Variants in KLHL29 observed in about 807,000 individuals in gnomAD.
KLHL29 encodes the protein kelch like family member 29, also known as kelch-like protein 29.
A neutral mutation model predicts 80.4 loss-of-function variants in KLHL29; 21 were observed. The ratio of observed to expected loss-of-function variants is 0.26; its 90% CI spans 0.19 to 0.38. The LOEUF is 0.38. KLHL29 is among the 10% of genes least tolerant of loss of function. The pLI is 1.00. For synonymous variants in KLHL29, 511 were observed against 526.8 expected, an observed-to-expected ratio of 0.97 and a Z score of 0.41; for missense variants, 867 against 1,223.9, an observed-to-expected ratio of 0.71 and a Z score of 4.35.
chr2:23,415,865 A>G (rs150307717), intron 1 of KLHL29, among the ~76,000 whole-genome samples: 72 of 152,120 alleles, frequency 4.7e-4, no homozygotes, highest in African/African-American at 1.7e-3. Flanking sequence ...CACCCTGTAT[A>G]TATTTTTTAA....
At chr2:23,686,923 G>A (rs1390007451) in intron 6 of KLHL29, among the ~76,000 whole-genome samples, 2 of 152,178 alleles carry the variant, frequency 1.3e-5, no homozygotes, top group Non-Finnish European at 2.9e-5. Flanking sequence ...TGACCAAGAA[G>A]TGCCTTCTTG....
intron 1 of KLHL29, among the ~76,000 whole-genome samples, chr2:23,421,554 G>A (rs1022413267): frequency 2.8e-5 from 3 of 108,242 alleles, no homozygotes; most frequent in South Asian, 3.1e-4. Flanking sequence ...GTGTGTGTGT[G>A]TGTGTGTGTG....
intron 5 of KLHL29, among the ~76,000 whole-genome samples, chr2:23,664,312 TC>T (rs1670497361): frequency 6.6e-6 from 1 of 152,230 alleles, no homozygotes; most frequent in Admixed American, 6.5e-5. Context: ...CAGGGAGGGT[TC>T]TTGGGACTCT....
intron 1 of KLHL29, among the ~76,000 whole-genome samples, chr2:23,438,247 C>T (rs1021968185): frequency 1.4e-4 from 22 of 151,960 alleles, no homozygotes; most frequent in East Asian, 1.9e-4. Flanking sequence ...ACAATCATGG[C>T]GTCTGCAGAC....
At chr2:23,634,750 G>A (rs554971756) in intron 3 of KLHL29, among the ~76,000 whole-genome samples, 17 of 152,254 alleles carry the variant, frequency 1.1e-4, no homozygotes, top group South Asian at 1.0e-3. Context: ...CAGCACACCC[G>A]GCCCCCATGA....
At chr2:23,407,951 A>T (rs1666771679) in intron 1 of KLHL29, among the ~76,000 whole-genome samples, 1 of 152,002 alleles carries the variant, frequency 6.6e-6, no homozygotes, top group Middle Eastern at 3.4e-3. Context: ...GTTTCTTGTC[A>T]TCCAGGCTGG....
intron 1 of KLHL29, among the ~76,000 whole-genome samples, chr2:23,391,582 C>A (rs991946012): frequency 6.6e-6 from 1 of 152,066 alleles, no homozygotes; most frequent in Non-Finnish European, 1.5e-5. Context: ...ATTACAGGCA[C>A]GTGCCACTAT....
chr2:23,589,746 G>A (rs1292354721), intron 3 of KLHL29, among the ~76,000 whole-genome samples: 1 of 152,228 alleles, frequency 6.6e-6, no homozygotes, highest in Non-Finnish European at 1.5e-5. Context: ...CCATCTGGAT[G>A]TTACATGGTC....
At chr2:23,541,344 A>AG (rs1666829513) in intron 2 of KLHL29, among the ~76,000 whole-genome samples, 1 of 152,252 alleles carries the variant, frequency 6.6e-6, no homozygotes, top group Non-Finnish European at 1.5e-5. Flanking sequence ...AGAAGGCCAG[A>AG]GGAGAGAACC....
chr2:23,518,260 G>A (rs964565354), intron 2 of KLHL29, among the ~76,000 whole-genome samples: 3 of 152,200 alleles, frequency 2.0e-5, no homozygotes, highest in Non-Finnish European at 4.4e-5. Context: ...TCGCCTAACA[G>A]TCTTAAGCAG....
At chr2:23,510,174 T>G (rs940885440) in intron 2 of KLHL29, among the ~76,000 whole-genome samples, 3 of 152,062 alleles carry the variant, frequency 2.0e-5, no homozygotes, top group African/African-American at 7.2e-5. Context: ...ACAGGGGAGT[T>G]TGCTGAAATC....
At chr2:23,649,140 T>G (rs909769884) in intron 5 of KLHL29, among the ~76,000 whole-genome samples, 5 of 152,066 alleles carry the variant, frequency 3.3e-5, no homozygotes, top group Non-Finnish European at 7.4e-5. Flanking sequence ...TAAAGCAAGG[T>G]TGTCCAAAAT....
chr2:23,521,156 A>G (rs572151472), intron 2 of KLHL29, among the ~76,000 whole-genome samples: 2 of 152,290 alleles, frequency 1.3e-5, no homozygotes, highest in East Asian at 1.9e-4. Context: ...GGTGTGGGAT[A>G]CATGCAGGAG....
intron 1 of KLHL29, among the ~76,000 whole-genome samples, chr2:23,449,613 A>G (rs975432963): frequency 6.6e-6 from 1 of 152,182 alleles, no homozygotes; most frequent in African/African-American, 2.4e-5. Flanking sequence ...GAGAAATGAA[A>G]GAGGAAGTTG....
At chr2:23,619,844 A>G (rs1466209716) in intron 3 of KLHL29, among the ~76,000 whole-genome samples, 1 of 152,186 alleles carries the variant, frequency 6.6e-6, no homozygotes, top group Non-Finnish European at 1.5e-5. Context: ...CTGAACACCT[A>G]CTATGTACCA....
rs1175426651 is a variant in KLHL29, at chr2:23,642,468, C to A, written c.558C>A (p.Thr186=). Reference sequence around the variant, plus strand: ...TCCAGGCCCCGGTCATTGGGGTGACCCCCTCACTGCCTCCCCACGTGGGGC... The same window carrying A: ...TCCAGGCCCCGGTCATTGGGGTGACACCCTCACTGCCTCCCCACGTGGGGC... ...VNVQAPVIGV[T]PSLPPHVGPQ... is the part of the protein sequence containing the mutation. Residue 186 remains threonine (T), a synonymous_variant, in exon 5 of 14, where the codon ACC becomes ACA. Transcript: ENST00000486442. The A allele has an allele frequency of 1.3e-6, 2 of 1,512,174 alleles. No homozygotes were observed. The highest frequency in any genetic ancestry group is 1.8e-6 in the Non-Finnish European group (2 of 1,125,384). The allele number at this position is 1,512,174 out of a possible 1,614,324, so 93.7% of individuals were successfully genotyped here.
At chr2:23,407,003 C>T (rs1666753387) in intron 1 of KLHL29, among the ~76,000 whole-genome samples, 1 of 152,176 alleles carries the variant, frequency 6.6e-6, no homozygotes, top group Non-Finnish European at 1.5e-5. Flanking sequence ...CTATATATAT[C>T]ATTTTCTTTC....
chr2:23,403,024 T>C (rs572063203), intron 1 of KLHL29, among the ~76,000 whole-genome samples: 5 of 149,700 alleles, frequency 3.3e-5, no homozygotes, highest in East Asian at 3.9e-4. Context: ...ATATATAGTG[T>C]ACACTATAAT....
At chr2:23,686,050 A>G (rs1488679133) in intron 6 of KLHL29, among the ~76,000 whole-genome samples, 1 of 152,030 alleles carries the variant, frequency 6.6e-6, no homozygotes, top group Non-Finnish European at 1.5e-5. Context: ...AGAGAAGAAC[A>G]CGTGCTAGGA....
Sources: allele counts gnomAD v4.1 joint callset (sites outside exome capture counted in the v4.1 genomes callset), GRCh38; gene constraint gnomAD v4.1.1; transcripts MANE v1.5; gene names NCBI Gene and HGNC (gene_info 2026-07-23, HGNC 2026-07-21).